KCNMA1: variants seen among roughly 807,000 people sequenced by gnomAD.
KCNMA1 encodes Calcium-activated potassium channel subunit alpha-1.
A neutral mutation model predicts 140.0 loss-of-function variants in KCNMA1; 29 were observed. The observed-to-expected ratio is 0.21, with a 90% CI of 0.15 to 0.28. The LOEUF (loss-of-function observed/expected upper bound fraction) is 0.28, where lower values mean the gene tolerates loss of function less well. Ranked by LOEUF, KCNMA1 falls within the 10% of genes least tolerant of loss-of-function variation. KCNMA1 has a pLI of 1.00. For missense variants in KCNMA1, 880 were observed against 1,602.2 expected (o/e 0.55, Z 7.70); for synonymous variants, 612 against 611.9 (o/e 1.00, Z 0.00).
chr10:76,928,414 C>A (rs1203972695), intron 23 of KCNMA1, among the ~76,000 whole-genome samples: 1 of 152,104 alleles, frequency 6.6e-6, no homozygotes, highest in East Asian at 1.9e-4. Context: ...CACATTGGAA[C>A]TCAGACCCCG....
intron 19 of KCNMA1, among the ~76,000 whole-genome samples, chr10:76,984,669 A>C (rs2080679190): frequency 6.6e-6 from 1 of 152,228 alleles, no homozygotes; most frequent in Admixed American, 6.5e-5. Context: ...GGAACTTGCC[A>C]CATAACAATA....
chr10:77,549,514 T>C (rs1019842648), intron 1 of KCNMA1, among the ~76,000 whole-genome samples: 1 of 152,150 alleles, frequency 6.6e-6, no homozygotes, highest in African/African-American at 2.4e-5. Context: ...TAGCAGGGGA[T>C]TTTTAGAAGG....
chr10:77,137,220 A>G (rs997908031), intron 5 of KCNMA1, among the ~76,000 whole-genome samples: 1 of 152,180 alleles, frequency 6.6e-6, no homozygotes, highest in African/African-American at 2.4e-5. Context: ...GACAGAAAAC[A>G]CAACAGCAAA....
At chr10:77,014,166 C>T (rs1037074551) in intron 17 of KCNMA1, among the ~76,000 whole-genome samples, 6 of 152,214 alleles carry the variant, frequency 3.9e-5, no homozygotes, top group African/African-American at 1.2e-4. Context: ...TGGCGGCTGA[C>T]GCCTGTAATC....
intron 1 of KCNMA1, among the ~76,000 whole-genome samples, chr10:77,453,757 G>C (rs1459733839): frequency 6.6e-6 from 1 of 152,226 alleles, no homozygotes; most frequent in Non-Finnish European, 1.5e-5. Context: ...GGACCCCCTT[G>C]AGTCTTTAGC....
chr10:77,090,959 G>C (rs1008380482), intron 9 of KCNMA1: 1 of 186,038 alleles, frequency 5.4e-6, no homozygotes, highest in African/African-American at 2.3e-5. Flanking sequence ...AAATCTTGCT[G>C]AAACGATGAT....
At chr10:77,075,943 G>A (rs528698669) in intron 13 of KCNMA1, among the ~76,000 whole-genome samples, 2 of 152,180 alleles carry the variant, frequency 1.3e-5, no homozygotes, top group Non-Finnish European at 2.9e-5. Flanking sequence ...AGAATATAAA[G>A]AGCAGGTCTG....
At chr10:77,177,499 CTTTTCTTTTCTT>C (rs1422197864) in intron 5 of KCNMA1, among the ~76,000 whole-genome samples, 1 of 144,456 alleles carries the variant, frequency 6.9e-6, no homozygotes, top group Non-Finnish European at 1.5e-5. Flanking sequence ...TCTTTCTTTT[CTTTTCTTTTCTT>C]TTTTCTTTTC....
intron 1 of KCNMA1, among the ~76,000 whole-genome samples, chr10:77,510,950 G>A (rs549890647): frequency 3.3e-5 from 5 of 152,338 alleles, no homozygotes; most frequent in East Asian, 3.9e-4. Flanking sequence ...AGATAACGCC[G>A]ATTAACAACA....
intron 27 of KCNMA1, 118 bp from the exon 28 acceptor site, chr10:76,887,633 C>T (rs2037731695): frequency 8.6e-7 from 1 of 1,159,280 alleles, no homozygotes; most frequent in South Asian, 1.3e-5. Context: ...CTGGAAGATG[C>T]ACTCCTAGCT....
intron 10 of KCNMA1, among the ~76,000 whole-genome samples, chr10:77,089,664 C>T (rs573611054): frequency 1.6e-4 from 25 of 152,270 alleles, no homozygotes; most frequent in South Asian, 2.1e-4. Context: ...ACTTACTGCA[C>T]GCCTGACTCT....
intron 21 of KCNMA1, among the ~76,000 whole-genome samples, chr10:76,953,384 A>C (rs1313818267): frequency 6.6e-6 from 1 of 152,210 alleles, no homozygotes; most frequent in East Asian, 1.9e-4. Flanking sequence ...TCTTCACTAC[A>C]GCCCTATGAG....
At chr10:76,888,362 C>G (rs565190439) in intron 27 of KCNMA1, 1 of 152,210 alleles carries the variant, frequency 6.6e-6, no homozygotes, top group South Asian at 2.1e-4. Flanking sequence ...ACTATAATCC[C>G]TGGTTATTAT....
chr10:77,030,068 C>G (rs2093810787), intron 15 of KCNMA1, among the ~76,000 whole-genome samples: 1 of 152,180 alleles, frequency 6.6e-6, no homozygotes, highest in Non-Finnish European at 1.5e-5. Context: ...GGGAGTGAAA[C>G]CAATTGCTCA....
At chr10:77,372,416 G>A (rs569947934) in intron 2 of KCNMA1, among the ~76,000 whole-genome samples, 2 of 152,150 alleles carry the variant, frequency 1.3e-5, no homozygotes, top group Non-Finnish European at 2.9e-5. Flanking sequence ...CAGTTCACCA[G>A]GCTGACCATG....
chr10:77,319,456 CCA>C (rs1438507237), intron 2 of KCNMA1, among the ~76,000 whole-genome samples: 1 of 152,196 alleles, frequency 6.6e-6, no homozygotes, highest in African/African-American at 2.4e-5. Flanking sequence ...TGACCTTTTC[CCA>C]CAGAGTTCCT....
At chr10:77,354,459 A>T (rs1216022588) in intron 2 of KCNMA1, 1 of 152,212 alleles carries the variant, frequency 6.6e-6, no homozygotes, top group Non-Finnish European at 1.5e-5. Context: ...TGAGGACTGA[A>T]AGTAAATTTA....
At chr10:77,365,186 T>C (rs574026238) in intron 2 of KCNMA1, among the ~76,000 whole-genome samples, 5 of 152,222 alleles carry the variant, frequency 3.3e-5, no homozygotes, top group African/African-American at 7.2e-5. Context: ...GCAGTAGCAA[T>C]TGGACCAAAT....
intron 3 of KCNMA1, among the ~76,000 whole-genome samples, chr10:77,221,228 G>T (rs139289666): frequency 5.5e-4 from 84 of 152,114 alleles, no homozygotes; most frequent in African/African-American, 2.0e-3. Flanking sequence ...CTTTATTCCT[G>T]AAGAGCCAAA....
Sources: gnomAD v4.1 joint callset for allele counts (sites outside exome capture counted in the v4.1 genomes callset) on GRCh38, gnomAD v4.1.1 for gene constraint, MANE v1.5 for transcripts, NCBI Gene and HGNC (gene_info 2026-07-23, HGNC 2026-07-21) for gene names.